Variants in CNTN5 observed in about 807,000 individuals in gnomAD.
The protein encoded by CNTN5 is contactin 5, also known as contactin-5.
In CNTN5, 77 loss-of-function variants were observed where a neutral mutation model predicts 129.1. That is an observed-to-expected ratio of 0.60 (90% CI 0.50 to 0.72). CNTN5 has a LOEUF of 0.72. CNTN5 is among the 30% of genes least tolerant of loss of function. The probability of loss-of-function intolerance (pLI) is 0.00; values close to 1 mark genes in which losing one functional copy is unlikely to be tolerated. For missense variants in CNTN5, 1,478 were observed against 1,328.8 expected, an observed-to-expected ratio of 1.11 and a Z score of -1.75; for synonymous variants, 509 against 465.6, an observed-to-expected ratio of 1.09 and a Z score of -1.20.
intron 16 of CNTN5, among the ~76,000 whole-genome samples, chr11:100,246,812 C>T (rs1296571954): frequency 6.6e-6 from 1 of 152,110 alleles, no homozygotes; most frequent in Non-Finnish European, 1.5e-5. Flanking sequence ...AAGTCAACGA[C>T]TACACTAATC....
chr11:100,344,908 T>C (rs2139023794), intron 23 of CNTN5, among the ~76,000 whole-genome samples: 1 of 152,152 alleles, frequency 6.6e-6, no homozygotes, highest in South Asian at 2.1e-4. Flanking sequence ...TATTTTGCCA[T>C]TTTCCATGGA....
chr11:99,197,084 G>C (rs1858939294), intron 1 of CNTN5, among the ~76,000 whole-genome samples: 1 of 151,884 alleles, frequency 6.6e-6, no homozygotes, highest in African/African-American at 2.4e-5. Flanking sequence ...CCTGTTTTCA[G>C]AAAGTCAAGA....
chr11:100,314,439 G>T (rs1951537859), intron 21 of CNTN5, among the ~76,000 whole-genome samples: 1 of 152,102 alleles, frequency 6.6e-6, no homozygotes, highest in South Asian at 2.1e-4. Flanking sequence ...CATTTCTGAA[G>T]TCATGTACAC....
At chr11:99,172,352 C>T (rs1001265911) in intron 1 of CNTN5, among the ~76,000 whole-genome samples, 4 of 152,038 alleles carry the variant, frequency 2.6e-5, no homozygotes, top group African/African-American at 4.8e-5. Context: ...TAAAGAATTG[C>T]GTATCCAAGA....
In CNTN5 at chr11:99,145,078, T is replaced by A. The variant is rs1022107080; in HGVS notation, c.-210+123808T>A. Among the ~76,000 whole-genome samples the A allele has an allele frequency of 2.0e-5, 3 of 152,128 alleles. No homozygotes were observed. The South Asian group carries it at 6.2e-4, about 32-fold the overall frequency. The stretch of plus-strand genomic sequence containing the variant: ...ATTTCATAGGAAATAATTTTTATTT[T>A]TTATTGTTTGAGACAGAGGCTTGCT... On this transcript the variant is annotated intron_variant, in intron 1 of 24. Coordinates refer to ENST00000524871, the MANE Select transcript of CNTN5 (RefSeq NM_014361.4).
chr11:99,540,961 G>A (rs559901302), intron 2 of CNTN5, among the ~76,000 whole-genome samples: 9 of 152,244 alleles, frequency 5.9e-5, no homozygotes, highest in African/African-American at 1.7e-4. Context: ...GTAATACTAC[G>A]TTAAAAAGAA....
intron 3 of CNTN5, among the ~76,000 whole-genome samples, chr11:99,579,662 A>G (rs1480552875): frequency 2.2e-5 from 3 of 136,550 alleles, no homozygotes; most frequent in Admixed American, 7.6e-5. Context: ...AATGCTTGTG[A>G]TTTTTGCACA....
At chr11:99,256,789 T>C (rs747700663) in intron 1 of CNTN5, among the ~76,000 whole-genome samples, 20 of 152,012 alleles carry the variant, frequency 1.3e-4, no homozygotes, top group Non-Finnish European at 2.4e-4. Flanking sequence ...TCACAAACTA[T>C]ACAAAAAATT....
intron 1 of CNTN5, among the ~76,000 whole-genome samples, chr11:99,082,051 T>C (rs1865823385): frequency 2.0e-5 from 3 of 152,210 alleles, no homozygotes; most frequent in Admixed American, 2.0e-4. Context: ...TTTCTGTATG[T>C]AGATGCTTAG....
intron 20 of CNTN5, among the ~76,000 whole-genome samples, 166 bp from the exon 21 acceptor site, chr11:100,308,193 T>C (rs1017948879): frequency 6.6e-6 from 1 of 151,836 alleles, no homozygotes. Flanking sequence ...GACCCAAGTA[T>C]AGAAATCCAA....
At chr11:99,239,799 T>C (rs905639981) in intron 1 of CNTN5, among the ~76,000 whole-genome samples, 3 of 151,856 alleles carry the variant, frequency 2.0e-5, no homozygotes, top group South Asian at 2.1e-4. Flanking sequence ...TAGCCGGGCG[T>C]GGTGGCGGGC....
chr11:99,535,458 A>G (rs573089393), intron 2 of CNTN5, among the ~76,000 whole-genome samples: 2 of 152,174 alleles, frequency 1.3e-5, no homozygotes, highest in Non-Finnish European at 1.5e-5. Flanking sequence ...TTGGTGCTAT[A>G]GAAAACAAAT....
At chr11:99,786,650 A>C (rs979678181) in intron 3 of CNTN5, among the ~76,000 whole-genome samples, 1 of 152,216 alleles carries the variant, frequency 6.6e-6, no homozygotes, top group Admixed American at 6.5e-5. Flanking sequence ...CTGGTACCAA[A>C]ACAGACATAT....
chr11:99,427,765 C>CAAAA (rs36085825), intron 2 of CNTN5, among the ~76,000 whole-genome samples: 1 of 32,368 alleles, frequency 3.1e-5, no homozygotes, highest in African/African-American at 9.0e-5. Context: ...GACTCAGTCT[C>CAAAA]AAAAAAAAAA....
intron 1 of CNTN5, among the ~76,000 whole-genome samples, chr11:99,087,004 C>A (rs1365983999): frequency 2.6e-5 from 4 of 152,088 alleles, no homozygotes; most frequent in Admixed American, 2.0e-4. Flanking sequence ...AGTAAACTGA[C>A]CATTATCACC....
At chr11:100,302,640 G>A (rs1026689892) in intron 20 of CNTN5, among the ~76,000 whole-genome samples, 3 of 151,474 alleles carry the variant, frequency 2.0e-5, no homozygotes, top group African/African-American at 7.3e-5. Context: ...GTCAAATGCA[G>A]CTACCAGAAT....
intron 13 of CNTN5, among the ~76,000 whole-genome samples, chr11:100,170,225 C>A (rs945778443): frequency 3.3e-5 from 5 of 151,888 alleles, no homozygotes; most frequent in African/African-American, 1.2e-4. Flanking sequence ...ATAGATTATT[C>A]AGACAGATTA....
chr11:99,280,192 T>C (rs1863630190), intron 1 of CNTN5, among the ~76,000 whole-genome samples: 1 of 151,704 alleles, frequency 6.6e-6, no homozygotes, highest in Non-Finnish European at 1.5e-5. Flanking sequence ...AAAAATACTA[T>C]ATATTTTTTC....
At chr11:99,898,908 A>T (rs571255057) in intron 6 of CNTN5, among the ~76,000 whole-genome samples, 2 of 152,166 alleles carry the variant, frequency 1.3e-5, no homozygotes, top group Middle Eastern at 3.4e-3. Context: ...AGATCAACGT[A>T]AAGTTGCTTC....
Sources: allele counts gnomAD v4.1 joint callset (sites outside exome capture counted in the v4.1 genomes callset), GRCh38; gene constraint gnomAD v4.1.1; transcripts MANE v1.5; gene names NCBI Gene and HGNC (gene_info 2026-07-23, HGNC 2026-07-21).